The following MAPK14 variants were observed in gnomAD, a reference collection of about 807,000 sequenced individuals.
MAPK14 encodes the protein mitogen-activated protein kinase 14, also known as CSAID-binding protein.
In MAPK14, 16 loss-of-function variants were observed where a neutral mutation model predicts 49.6. The observed-to-expected ratio is 0.32, with a 90% CI of 0.22 to 0.49. The LOEUF is 0.49. Among genes scored for constraint, MAPK14 ranks in the 20% least tolerant of loss-of-function variants. MAPK14 has a pLI of 0.99. For synonymous variants in MAPK14, 142 were observed against 158.0 expected, an observed-to-expected ratio of 0.90 and a Z score of 0.76; for missense variants, 200 against 441.2, an observed-to-expected ratio of 0.45 and a Z score of 4.90.
At chr6:36,075,800 C>T in intron 6 of MAPK14, 48 bp from the exon 7 acceptor site, 10 of 1,611,118 alleles carry the variant, frequency 6.2e-6, no homozygotes, top group South Asian at 1.1e-5. Flanking sequence ...TTTTTCCCTG[C>T]CTGTTTCTAA....
intron 1 of MAPK14, among the ~76,000 whole-genome samples, chr6:36,035,856 C>A (rs925907645): frequency 1.3e-5 from 2 of 152,090 alleles, no homozygotes; most frequent in Non-Finnish European, 2.9e-5. Context: ...GAGAAAGCTG[C>A]AAAAGATAAG....
intron 1 of MAPK14, among the ~76,000 whole-genome samples, 196 bp from the exon 2 acceptor site, chr6:36,052,503 A>G (rs1763441095): frequency 6.6e-6 from 1 of 152,234 alleles, no homozygotes; most frequent in African/African-American, 2.4e-5. Context: ...TAGAAAAGAC[A>G]AGGAGAAAAC....
chr6:36,038,290 A>G (rs1762828303), intron 1 of MAPK14, among the ~76,000 whole-genome samples: 2 of 152,216 alleles, frequency 1.3e-5, no homozygotes, highest in East Asian at 1.9e-4. Flanking sequence ...CAAGTGTGCA[A>G]AAGCCCTGAG....
chr6:36,068,229 T>C (rs1443141011), intron 3 of MAPK14, among the ~76,000 whole-genome samples: 4 of 152,044 alleles, frequency 2.6e-5, no homozygotes, highest in Non-Finnish European at 4.4e-5. Context: ...CTGCATGATA[T>C]ATTGGAACTG....
In MAPK14 at chr6:36,061,659, C is replaced by T. The variant is rs868478312; in HGVS notation, c.305+2312C>T. 6.6e-5 allele frequency among the ~76,000 whole-genome samples: 10 copies of T among 152,326 alleles called. 1 individual carries two copies. The South Asian group carries it at 1.9e-3, about 28-fold the overall frequency. On this transcript the variant is annotated intron_variant, in intron 3 of 11. Coordinates refer to ENST00000229794, the MANE Select transcript of MAPK14 (RefSeq NM_139012.3). ...ACTGAGCAGAGTGTTAGCACAGGCTCAGAATAATCAGAAACAGTCGCCCTT... is the reference window on the plus strand; with the variant it reads ...ACTGAGCAGAGTGTTAGCACAGGCTTAGAATAATCAGAAACAGTCGCCCTT...
At chr6:36,082,161 T>C (rs961333096) in intron 8 of MAPK14, among the ~76,000 whole-genome samples, 1 of 152,236 alleles carries the variant, frequency 6.6e-6, no homozygotes, top group African/African-American at 2.4e-5. Context: ...GGTTATGTCA[T>C]CTGCAAACAG....
intron 1 of MAPK14, among the ~76,000 whole-genome samples, chr6:36,049,050 G>A (rs141366431): frequency 5.0e-4 from 76 of 152,294 alleles, no homozygotes; most frequent in African/African-American, 1.8e-3. Context: ...TGGAAGTGTT[G>A]ATATAGACTC....
At chr6:36,124,039 G>A in the MAPK14 span, among the ~76,000 whole-genome samples, 1 of 151,974 alleles carries the variant, frequency 6.6e-6, no homozygotes, top group African/African-American at 2.4e-5. Flanking sequence ...AAGGAGGGGA[G>A]AGAGGAGGAG....
intron 1 of MAPK14, among the ~76,000 whole-genome samples, chr6:36,036,255 C>CA (rs35795294): frequency 0.42 from 43,500 of 104,690 alleles, 9,757 homozygotes; most frequent in South Asian, 0.61. Context: ...GAGTACATCT[C>CA]AAAAAAAAAA....
chr6:36,118,750 A>C, the MAPK14 span, among the ~76,000 whole-genome samples: 1 of 152,230 alleles, frequency 6.6e-6, no homozygotes, highest in African/African-American at 2.4e-5. Flanking sequence ...GGCAATGACT[A>C]TCTGATCATG....
At chr6:36,096,322 TC>T in intron 9 of MAPK14, 1 of 379,522 alleles carries the variant, frequency 2.6e-6, no homozygotes, top group Non-Finnish European at 4.8e-6. Flanking sequence ...GACAATAGTA[TC>T]CCAGTAAAGC....
At chr6:36,050,276 G>A (rs1481964475) in intron 1 of MAPK14, among the ~76,000 whole-genome samples, 3 of 152,178 alleles carry the variant, frequency 2.0e-5, no homozygotes, top group Non-Finnish European at 4.4e-5. Context: ...CATGGAACAG[G>A]AAGGGAGATG....
chr6:36,070,067 A>G (rs1764209284), intron 3 of MAPK14, among the ~76,000 whole-genome samples: 1 of 152,222 alleles, frequency 6.6e-6, no homozygotes. Context: ...TAAAAAATAC[A>G]GTAACTGTGA....
chr6:36,095,627 T>G (rs1765415724), intron 8 of MAPK14, among the ~76,000 whole-genome samples: 1 of 152,246 alleles, frequency 6.6e-6, no homozygotes, highest in Non-Finnish European at 1.5e-5. Context: ...TGATGGCAGA[T>G]GAAGAGGGCA....
chr6:36,041,800 C>A (rs973954723), intron 1 of MAPK14, among the ~76,000 whole-genome samples: 1 of 152,092 alleles, frequency 6.6e-6, no homozygotes, highest in African/African-American at 2.4e-5. Flanking sequence ...TTTAGATTTA[C>A]TGTAGTGAAG....
chr6:36,114,909 A>G (rs1766033995), downstream of MAPK14, among the ~76,000 whole-genome samples: 1 of 152,180 alleles, frequency 6.6e-6, no homozygotes, highest in African/African-American at 2.4e-5. Context: ...TGTGTTGTCG[A>G]CACTCAAGAT....
At chr6:36,072,654 A>G (rs1005641165) in intron 3 of MAPK14, among the ~76,000 whole-genome samples, 5 of 151,988 alleles carry the variant, frequency 3.3e-5, no homozygotes, top group Admixed American at 1.3e-4. Context: ...AGTCCCAGCA[A>G]CTCGGGAGGC....
In MAPK14 at chr6:36,108,729, C is replaced by A. The variant is rs1448097705; in HGVS notation, c.*282C>A. 2 of 438,324 alleles carry A rather than the reference C, an allele frequency of 4.6e-6. No individual in the cohort carries two copies. The highest frequency in any genetic ancestry group is 4.0e-5 in the African/African-American group (2 of 49,904). The allele number at this position is 438,324 out of a possible 1,614,324, so 27.2% of individuals were successfully genotyped here. The stretch of plus-strand genomic sequence containing the variant: ...TTGCTCTTCTTTCTGAGAGTTGGCT[C>A]AGGCAGACAAGAGCTGCTGTCCTTT... On this transcript the variant is annotated 3_prime_UTR_variant, in exon 12 of 12. Transcript: ENST00000229794.
chr6:36,068,033 A>C (rs530021873), intron 3 of MAPK14, among the ~76,000 whole-genome samples: 1 of 152,056 alleles, frequency 6.6e-6, no homozygotes, highest in Non-Finnish European at 1.5e-5. Flanking sequence ...AAAGGTAGAA[A>C]GGTAGAACAG....
Sources: gnomAD v4.1 joint callset for allele counts (sites outside exome capture counted in the v4.1 genomes callset) on GRCh38, gnomAD v4.1.1 for gene constraint, MANE v1.5 for transcripts, NCBI Gene and HGNC (gene_info 2026-07-23, HGNC 2026-07-21) for gene names.